The following SEC24A variants were observed in gnomAD, a reference collection of about 807,000 sequenced individuals.
The protein encoded by SEC24A is SEC24 homolog A, COPII component.
SEC24A carries 93 observed loss-of-function variants against 129.4 expected under a neutral mutation model. The observed-to-expected ratio is 0.72, with a 90% CI of 0.61 to 0.85. The LOEUF (loss-of-function observed/expected upper bound fraction) is 0.85, where lower values mean the gene tolerates loss of function less well. Ranked by LOEUF, SEC24A falls within the 40% of genes least tolerant of loss-of-function variation. The pLI, the probability that SEC24A is intolerant of heterozygous loss-of-function variation, is 0.00. For synonymous variants in SEC24A, 460 were observed against 467.3 expected, an observed-to-expected ratio of 0.98 and a Z score of 0.20; for missense variants, 1,264 against 1,307.4, an observed-to-expected ratio of 0.97 and a Z score of 0.51.
At chr5:134,698,270 G>A (rs908732432) in intron 15 of SEC24A, among the ~76,000 whole-genome samples, 2 of 152,056 alleles carry the variant, frequency 1.3e-5, no homozygotes, top group African/African-American at 4.8e-5. Context: ...TTTAAATAGA[G>A]AATTTTATGG....
intron 11 of SEC24A, among the ~76,000 whole-genome samples, chr5:134,691,007 T>G (rs551149025): frequency 6.6e-6 from 1 of 151,738 alleles, no homozygotes; most frequent in Admixed American, 6.6e-5. Flanking sequence ...TGTGCCATTA[T>G]GCCTAGCTAA....
At chr5:134,707,186 T>C (rs1752191039) in intron 17 of SEC24A, among the ~76,000 whole-genome samples, 1 of 152,174 alleles carries the variant, frequency 6.6e-6, no homozygotes, top group East Asian at 1.9e-4. Flanking sequence ...TCAGGAATAG[T>C]TACCCACTTT....
chr5:134,658,580 A>AT (rs1166496812), intron 1 of SEC24A, among the ~76,000 whole-genome samples: 1 of 151,866 alleles, frequency 6.6e-6, no homozygotes, highest in Non-Finnish European at 1.5e-5. Context: ...TTAATTTTTA[A>AT]TTTTTTTGTG....
intron 20 of SEC24A, among the ~76,000 whole-genome samples, chr5:134,718,901 C>T (rs934073750): frequency 6.7e-6 from 1 of 149,036 alleles, no homozygotes; most frequent in African/African-American, 2.5e-5. Flanking sequence ...ACCCAGGAGG[C>T]AGAGGTTGCA....
intron 2 of SEC24A, among the ~76,000 whole-genome samples, chr5:134,664,799 T>TC (rs1389625310): frequency 1.6e-5 from 2 of 124,780 alleles, no homozygotes; most frequent in Non-Finnish European, 3.2e-5. Flanking sequence ...TTTCTTTTTT[T>TC]TTTTTTTTTT....
chr5:134,660,530 A>G (rs940560790), intron 1 of SEC24A, among the ~76,000 whole-genome samples: 1 of 151,552 alleles, frequency 6.6e-6, no homozygotes, highest in Non-Finnish European at 1.5e-5. Context: ...TCATTTATTG[A>G]GACATCTCTG....
intron 15 of SEC24A, among the ~76,000 whole-genome samples, chr5:134,700,821 C>T (rs910963781): frequency 6.6e-6 from 1 of 151,884 alleles, no homozygotes; most frequent in African/African-American, 2.4e-5. Flanking sequence ...TGGGTTCACG[C>T]CATTCTCCTG....
chr5:134,651,620 T>C (rs1750054052), intron 1 of SEC24A, among the ~76,000 whole-genome samples: 1 of 151,310 alleles, frequency 6.6e-6, no homozygotes, highest in Admixed American at 6.6e-5. Flanking sequence ...ATGTATATTA[T>C]ATATATAATG....
intron 10 of SEC24A, 114 bp downstream of exon 10, chr5:134,687,016 A>G (rs1751477919): frequency 3.9e-6 from 2 of 518,974 alleles, no homozygotes; most frequent in Admixed American, 7.9e-5. Context: ...ACTCCACCCA[A>G]ATCAGTTGTT....
chr5:134,664,256 C>T (rs1484924834), intron 2 of SEC24A, among the ~76,000 whole-genome samples: 2 of 151,982 alleles, frequency 1.3e-5, no homozygotes, highest in Non-Finnish European at 1.5e-5. Flanking sequence ...TTTTCCAACT[C>T]ATAACTGAGA....
chr5:134,718,967 CAAAA>C (rs894673285), intron 20 of SEC24A, among the ~76,000 whole-genome samples: 3 of 73,442 alleles, frequency 4.1e-5, no homozygotes, highest in African/African-American at 1.6e-4. Flanking sequence ...AAGACTGTCT[CAAAA>C]AAAAAAAAAA....
chr5:134,692,555 T>C (rs1312226737), intron 11 of SEC24A, 47 bp from the exon 12 acceptor site: 5 of 1,005,394 alleles, frequency 5.0e-6, no homozygotes, highest in East Asian at 2.4e-5. Context: ...TGGCACACTT[T>C]TAATTATTAC....
At chr5:134,712,255 CTT>C (rs1204723447) in intron 18 of SEC24A, among the ~76,000 whole-genome samples, 1 of 145,102 alleles carries the variant, frequency 6.9e-6, no homozygotes, top group South Asian at 2.2e-4. Context: ...GTTCTCATTT[CTT>C]TTTTTTTTTG....
intron 2 of SEC24A, among the ~76,000 whole-genome samples, chr5:134,662,299 T>C (rs1182707062): frequency 2.6e-5 from 4 of 151,702 alleles, no homozygotes; most frequent in East Asian, 1.9e-4. Flanking sequence ...GGACTACAGG[T>C]GCCCGCCACC....
At chr5:134,694,755 GT>G (rs1269463655) in intron 13 of SEC24A, among the ~76,000 whole-genome samples, 1 of 150,700 alleles carries the variant, frequency 6.6e-6, no homozygotes, top group African/African-American at 2.4e-5. Flanking sequence ...GGAGGCGGAG[GT>G]TGCAGTGAGC....
At chr5:134,652,697 C>T (rs1208125863) in intron 1 of SEC24A, among the ~76,000 whole-genome samples, 2 of 152,230 alleles carry the variant, frequency 1.3e-5, no homozygotes, top group African/African-American at 4.8e-5. Context: ...AAGCGATTCT[C>T]CTGCCTCAGC....
rs145974141 is a variant in SEC24A, at chr5:134,717,536, C to G, written c.2866-533C>G. Reference sequence around the variant, plus strand: ...AAGAAAAAGAAAAAGAAAAAGGAAACAAGATCAGAAGTTAATTTGGCTTTA... The same window carrying G: ...AAGAAAAAGAAAAAGAAAAAGGAAAGAAGATCAGAAGTTAATTTGGCTTTA... On this transcript the variant is annotated intron_variant, in intron 19 of 22. Transcript: ENST00000398844. Among the ~76,000 whole-genome samples the G allele has an allele frequency of 2.4e-3, 358 of 152,084 alleles. 2 individuals carry two copies. The highest frequency in any genetic ancestry group is 4.5e-3 in the Non-Finnish European group (304 of 67,980).
intron 3 of SEC24A, among the ~76,000 whole-genome samples, chr5:134,670,292 A>G (rs958762733): frequency 2.6e-5 from 4 of 152,162 alleles, no homozygotes; most frequent in African/African-American, 9.6e-5. Context: ...TAAAAGTTTT[A>G]CTGTGGTTTT....
chr5:134,677,708 A>G (rs1751115956), intron 7 of SEC24A, among the ~76,000 whole-genome samples: 1 of 151,814 alleles, frequency 6.6e-6, no homozygotes, highest in Admixed American at 6.6e-5. Flanking sequence ...ATGGTGATGC[A>G]CACCTATAAT....
Sources: allele counts gnomAD v4.1 joint callset (sites outside exome capture counted in the v4.1 genomes callset), GRCh38; gene constraint gnomAD v4.1.1; transcripts MANE v1.5; gene names NCBI Gene and HGNC (gene_info 2026-07-23, HGNC 2026-07-21).